The following ZFHX3 variants were observed in gnomAD, a reference collection of about 807,000 sequenced individuals.
ZFHX3 encodes zinc finger homeobox protein 3.
ZFHX3 carries 42 observed loss-of-function variants against 279.1 expected under a neutral mutation model. That is an observed-to-expected ratio of 0.15 (90% confidence interval 0.12 to 0.19). ZFHX3 has a LOEUF of 0.19. Ranked by LOEUF, ZFHX3 falls within the 10% of genes least tolerant of loss-of-function variation. The pLI, the probability that ZFHX3 is intolerant of heterozygous loss-of-function variation, is 1.00. For missense variants in ZFHX3, 4,981 were observed against 4,754.0 expected, an observed-to-expected ratio of 1.05 and a Z score of -1.40; for synonymous variants, 2,293 against 1,957.8, an observed-to-expected ratio of 1.17 and a Z score of -4.52.
intron 1 of ZFHX3, among the ~76,000 whole-genome samples, chr16:73,780,944 T>G (rs573884881): frequency 6.6e-6 from 1 of 152,212 alleles, no homozygotes; most frequent in Non-Finnish European, 1.5e-5. Context: ...TGGGTACACA[T>G]GAAAGGTAAT....
rs528450761 is a variant in ZFHX3 at position 73,792,317 on chromosome 16, T to C, written c.-1608+99334A>G. The stretch of plus-strand genomic sequence containing the variant: ...AACTCATTTCCAGGGGCGGCGACCA[T>C]GTGAGTCCAATGTCACCACAATAAA... On this transcript the variant is annotated intron_variant, in intron 1 of 17. Transcript: ENST00000641206. Among the ~76,000 whole-genome samples the C allele has an allele frequency of 5.3e-5, 8 of 152,242 alleles. No individual in the cohort carries two copies. The East Asian group carries it at 1.4e-3, about 26-fold the overall frequency.
chr16:73,726,830 T>G (rs2053522954), intron 1 of ZFHX3, among the ~76,000 whole-genome samples: 1 of 152,194 alleles, frequency 6.6e-6, no homozygotes, highest in Non-Finnish European at 1.5e-5. Flanking sequence ...ACGCTGGGGA[T>G]TACATGTCAA....
chr16:73,033,500 C>A (rs1169469588), intron 1 of ZFHX3, among the ~76,000 whole-genome samples: 4 of 152,010 alleles, frequency 2.6e-5, no homozygotes, highest in Non-Finnish European at 4.4e-5. Context: ...TGAACAGTTT[C>A]AACTTGACTG....
At chr16:73,500,705 A>G (rs1266832622) in intron 2 of ZFHX3, among the ~76,000 whole-genome samples, 1 of 151,702 alleles carries the variant, frequency 6.6e-6, no homozygotes, top group Non-Finnish European at 1.5e-5. Context: ...AAAAAAAAAA[A>G]AAAACCTCAC....
At chr16:73,040,670 G>C (rs1029730045) in intron 1 of ZFHX3, among the ~76,000 whole-genome samples, 1 of 152,222 alleles carries the variant, frequency 6.6e-6, no homozygotes, top group Non-Finnish European at 1.5e-5. Flanking sequence ...GGGAAGAAGA[G>C]AATTGCTGGA....
chr16:73,782,953 G>A (rs557390781), intron 1 of ZFHX3, among the ~76,000 whole-genome samples: 2 of 152,332 alleles, frequency 1.3e-5, no homozygotes, highest in East Asian at 3.9e-4. Context: ...CTCAATAGGT[G>A]AAAACTTCAG....
At position 73,120,119 on chromosome 16, in the gene ZFHX3, TG is replaced by T. The variant is rs111947702; in HGVS notation, c.-897+10848del. 8.1e-3 allele frequency among the ~76,000 whole-genome samples: 1,239 copies of T among 152,294 alleles called. 18 individuals carry two copies. Among genetic ancestry groups the T allele is most frequent in the African/African-American group, 0.029 (1,187 of 41,544 alleles). ...ACAGTTGATGTTTGTTTTTTTTGTTTGTTTTTTTCACACTCAAGGCTCTTTC... is the reference window on the plus strand; with the variant it reads ...ACAGTTGATGTTTGTTTTTTTTGTTTTTTTTTTCACACTCAAGGCTCTTTC... On this transcript the variant is annotated intron_variant, in intron 7 of 17. Transcript: ENST00000641206.
At chr16:73,823,071 G>C (rs1960794728) in intron 1 of ZFHX3, among the ~76,000 whole-genome samples, 1 of 152,172 alleles carries the variant, frequency 6.6e-6, no homozygotes, top group Non-Finnish European at 1.5e-5. Context: ...ACCAGTGAAA[G>C]GGACAGACAT....
exon 8 of ZFHX3, chr16:73,093,440 G>A (rs1424274153): frequency 4.1e-6 from 2 of 488,660 alleles, no homozygotes; most frequent in Admixed American, 2.2e-5. Context: ...GGCCCCTTTC[G>A]CTCAGCTCTT....
intron 1 of ZFHX3, among the ~76,000 whole-genome samples, chr16:73,753,422 G>A (rs935273037): frequency 1.4e-4 from 21 of 152,092 alleles, no homozygotes; most frequent in African/African-American, 2.4e-4. Flanking sequence ...CCTTTGCCAC[G>A]GCGATTACCC....
intron 5 of ZFHX3, among the ~76,000 whole-genome samples, chr16:73,228,878 A>C (rs1171352045): frequency 6.6e-6 from 1 of 152,176 alleles, no homozygotes; most frequent in Non-Finnish European, 1.5e-5. Context: ...GGAGATAAGG[A>C]AACAGCTGGT....
At chr16:73,277,904 G>A (rs1008468635) in intron 4 of ZFHX3, among the ~76,000 whole-genome samples, 6 of 152,138 alleles carry the variant, frequency 3.9e-5, no homozygotes, top group African/African-American at 1.4e-4. Flanking sequence ...GAGCAAGAGA[G>A]AGAGGCAGGG....
At position 73,568,552 on chromosome 16, in the gene ZFHX3, C is replaced by A. The variant is rs186234859; in HGVS notation, c.-1547+111628G>T. Among the ~76,000 whole-genome samples the A allele has an allele frequency of 2.6e-5, 4 of 152,240 alleles. No individual in the cohort carries two copies. In the East Asian group the frequency reaches 7.7e-4, roughly 29 times the overall value. ...AACCCGTTGACTGATGAAATCAACCCGTGTGGAACTTGATTTTCGACGTCC... is the reference window on the plus strand; with the variant it reads ...AACCCGTTGACTGATGAAATCAACCAGTGTGGAACTTGATTTTCGACGTCC... On this transcript the variant is annotated intron_variant, in intron 2 of 17. Transcript: ENST00000641206.
chr16:73,185,875 T>C (rs187111839), intron 5 of ZFHX3, among the ~76,000 whole-genome samples: 13 of 152,224 alleles, frequency 8.5e-5, no homozygotes, highest in Admixed American at 3.3e-4. Flanking sequence ...AGGAGGTAAG[T>C]GGTGCGCACG....
At chr16:73,419,459 A>G (rs2017671776) in intron 3 of ZFHX3, among the ~76,000 whole-genome samples, 1 of 152,130 alleles carries the variant, frequency 6.6e-6, no homozygotes, top group African/African-American at 2.4e-5. Flanking sequence ...TCTCACTGCC[A>G]CTAGATCAGT....
At chr16:72,846,900 C>CTT (rs2037495717) in intron 4 of ZFHX3, among the ~76,000 whole-genome samples, 1 of 152,156 alleles carries the variant, frequency 6.6e-6, no homozygotes, top group East Asian at 1.9e-4. Context: ...ATGGGCGGTG[C>CTT]TGCAGCACTT....
intron 2 of ZFHX3, among the ~76,000 whole-genome samples, chr16:73,476,454 T>C (rs896129907): frequency 6.6e-6 from 1 of 152,126 alleles, no homozygotes; most frequent in Non-Finnish European, 1.5e-5. Flanking sequence ...AGCAAAAAGA[T>C]AAAAAGTCCA....
At chr16:73,497,294 A>G (rs1330349813) in intron 2 of ZFHX3, among the ~76,000 whole-genome samples, 1 of 152,148 alleles carries the variant, frequency 6.6e-6, no homozygotes, top group Non-Finnish European at 1.5e-5. Context: ...TGTCTGACAA[A>G]ATCACTGCAA....
At chr16:73,787,404 G>A (rs143800068) in intron 1 of ZFHX3, among the ~76,000 whole-genome samples, 17 of 152,274 alleles carry the variant, frequency 1.1e-4, no homozygotes, top group East Asian at 7.7e-4. Flanking sequence ...GGCCCCATGC[G>A]TCCCATTTTG....
Sources: allele counts gnomAD v4.1 joint callset (sites outside exome capture counted in the v4.1 genomes callset), GRCh38; gene constraint gnomAD v4.1.1; transcripts MANE v1.5; gene names NCBI Gene and HGNC (gene_info 2026-07-23, HGNC 2026-07-21).